Variants in ADGRV1 observed in about 807,000 individuals in gnomAD.
ADGRV1 encodes G-protein coupled receptor 98.
ADGRV1 carries 359 observed loss-of-function variants against 596.2 expected under a neutral mutation model. The ratio of observed to expected loss-of-function variants is 0.60; its 90% CI spans 0.55 to 0.66. The LOEUF (loss-of-function observed/expected upper bound fraction) is 0.66. ADGRV1 is among the 30% of genes least tolerant of loss of function. The pLI is 0.00. For synonymous variants in ADGRV1, 2,681 were observed against 2,679.2 expected, an observed-to-expected ratio of 1.00 and a Z score of -0.02; for missense variants, 7,274 against 7,575.6, an observed-to-expected ratio of 0.96 and a Z score of 1.48.
chr5:91,042,647 A>T (rs1161026799), intron 85 of ADGRV1, among the ~76,000 whole-genome samples: 2 of 152,150 alleles, frequency 1.3e-5, no homozygotes, highest in Non-Finnish European at 2.9e-5. Flanking sequence ...CAAATTAACC[A>T]TCAGGATAAT....
chr5:91,094,375 C>T (rs868252278), intron 86 of ADGRV1, among the ~76,000 whole-genome samples: 2 of 151,482 alleles, frequency 1.3e-5, no homozygotes, highest in African/African-American at 4.9e-5. Flanking sequence ...AGGAGAATTG[C>T]TTGAACCCAG....
At chr5:91,053,251 G>A (rs753170073) in intron 85 of ADGRV1, among the ~76,000 whole-genome samples, 3 of 152,148 alleles carry the variant, frequency 2.0e-5, no homozygotes, top group Non-Finnish European at 4.4e-5. Context: ...TATTGGAGGG[G>A]TTACAAAATG....
At chr5:90,637,296 T>C (rs902135493) in intron 10 of ADGRV1, among the ~76,000 whole-genome samples, 1 of 152,160 alleles carries the variant, frequency 6.6e-6, no homozygotes, top group East Asian at 1.9e-4. Context: ...TTATATGAGA[T>C]AATTTTCCAG....
At chr5:90,888,940 A>G (rs1770546068) in intron 83 of ADGRV1, among the ~76,000 whole-genome samples, 1 of 152,166 alleles carries the variant, frequency 6.6e-6, no homozygotes, top group South Asian at 2.1e-4. Flanking sequence ...AACTGTGGCT[A>G]CATCTGGGAT....
chr5:90,592,688 A>G (rs1011044426), intron 1 of ADGRV1, among the ~76,000 whole-genome samples: 9 of 152,216 alleles, frequency 5.9e-5, no homozygotes, highest in African/African-American at 2.2e-4. Flanking sequence ...AAATTTTTGC[A>G]ATCTACCCAT....
rs912347302 is a variant in ADGRV1, at chr5:90,848,668, G to C, written c.17051G>C (p.Ser5684Thr). The C allele has an allele frequency of 1.3e-6, 2 of 1,547,102 alleles. No individual in the cohort carries two copies. The highest frequency in any genetic ancestry group is 2.1e-5 in the Admixed American group (1 of 48,696). Residue 5684 changes from serine to threonine, a missense_variant, in exon 79 of 90, where the codon AGT (serine) becomes ACT (threonine). Transcript: ENST00000405460. ...ACTGAAGGAAAAATTCAAGCTTTCAGTGTTGCCAGCCGAACTCTTTTCTAT... is the reference window on the plus strand; with the variant it reads ...ACTGAAGGAAAAATTCAAGCTTTCACTGTTGCCAGCCGAACTCTTTTCTAT... The part of the protein sequence containing the change: ...ITTEGKIQAF[S>T]VASRTLFYEI...
chr5:91,085,768 T>C (rs1562198565), intron 86 of ADGRV1, among the ~76,000 whole-genome samples: 3 of 152,178 alleles, frequency 2.0e-5, no homozygotes, highest in Non-Finnish European at 1.5e-5. Flanking sequence ...CATCTAGAAA[T>C]ATGTATCACT....
At chr5:90,813,614 G>A (rs956091113) in intron 74 of ADGRV1, among the ~76,000 whole-genome samples, 1 of 152,114 alleles carries the variant, frequency 6.6e-6, no homozygotes, top group African/African-American at 2.4e-5. Flanking sequence ...GCAAATGACC[G>A]ATACCCTACC....
intron 83 of ADGRV1, among the ~76,000 whole-genome samples, chr5:90,945,156 C>T (rs768503636): frequency 6.6e-6 from 1 of 152,044 alleles, no homozygotes; most frequent in Non-Finnish European, 1.5e-5. Flanking sequence ...AATCCAGGCC[C>T]TCTTTAAATC....
At chr5:90,759,360 C>T in intron 57 of ADGRV1, 49 bp from the exon 58 acceptor site, 4 of 1,284,896 alleles carry the variant, frequency 3.1e-6, no homozygotes, top group Non-Finnish European at 4.4e-6. Context: ...TCCTATCTTC[C>T]TCCTTCTTTT....
chr5:91,029,314 G>T (rs1299401436), intron 85 of ADGRV1, among the ~76,000 whole-genome samples: 2 of 152,140 alleles, frequency 1.3e-5, no homozygotes, highest in African/African-American at 2.4e-5. Context: ...CATAACTTTA[G>T]TTGACTCACT....
intron 83 of ADGRV1, among the ~76,000 whole-genome samples, chr5:90,951,613 A>G (rs1368182314): frequency 6.6e-6 from 1 of 152,182 alleles, no homozygotes; most frequent in Non-Finnish European, 1.5e-5. Context: ...TATTTGTTAA[A>G]GTAAATAACT....
intron 59 of ADGRV1, among the ~76,000 whole-genome samples, chr5:90,773,458 A>G (rs1341728567): frequency 6.6e-6 from 1 of 152,176 alleles, no homozygotes; most frequent in Non-Finnish European, 1.5e-5. Flanking sequence ...AAAATCATTA[A>G]CATTCTTATG....
At position 91,031,364 on chromosome 5, in the gene ADGRV1, C is replaced by T. The variant is rs536683412; in HGVS notation, c.18153-41083C>T. 164 of 1,201,068 alleles carry T rather than the reference C, an allele frequency of 1.4e-4. 1 individual carries two copies. In the South Asian group the frequency reaches 1.7e-3, roughly 13 times the overall value. 74.4% of individuals were successfully genotyped at this position (1,201,068 alleles called of 1,614,324 possible). ...CACTCCAATCTATCTCATCCGCTGA[C>T]GGAAGTTCATCATTCTGCATGCTCT... is the stretch of plus-strand genomic sequence containing the variant. On this transcript the variant is annotated intron_variant, in intron 85 of 89. Transcript: ENST00000405460.
intron 83 of ADGRV1, among the ~76,000 whole-genome samples, chr5:90,960,084 A>G (rs1380309705): frequency 6.6e-6 from 1 of 150,390 alleles, no homozygotes; most frequent in Non-Finnish European, 1.5e-5. Context: ...GCTTGCAGTG[A>G]GCCGAGATCG....
intron 79 of ADGRV1, among the ~76,000 whole-genome samples, chr5:90,852,386 A>G (rs937541898): frequency 2.0e-5 from 3 of 152,232 alleles, no homozygotes; most frequent in Non-Finnish European, 4.4e-5. Flanking sequence ...GACATATATA[A>G]CTTTTAACAT....
At position 90,704,481 on chromosome 5, in the gene ADGRV1, G is replaced by C; in HGVS notation, c.8379G>C (p.Arg2793Ser). The C allele has an allele frequency of 6.5e-7, 1 of 1,538,920 alleles. No homozygotes were observed. Among genetic ancestry groups the C allele is most frequent in the Non-Finnish European group, 8.8e-7 (1 of 1,131,752 alleles). ...EVYQVILYDV[R>S]TQGVPPAGIA... Reference sequence around the variant, plus strand: ...ACCAAGTCATTCTGTATGATGTCAGGACACAAGGTAATTCAGAATTTAATT... The same window carrying C: ...ACCAAGTCATTCTGTATGATGTCAGCACACAAGGTAATTCAGAATTTAATT... The change falls in exon 36 of 90, where the codon AGG becomes AGC. Residue 2793 changes from arginine (R) to serine (S), a missense_variant. Coordinates refer to ENST00000405460, the MANE Select transcript of ADGRV1 (RefSeq NM_032119.4).
chr5:90,660,161 A>C (rs1580633276), intron 21 of ADGRV1, among the ~76,000 whole-genome samples: 1 of 152,164 alleles, frequency 6.6e-6, no homozygotes, highest in Admixed American at 6.5e-5. Flanking sequence ...CCCCCTTATC[A>C]CTAATTTTTT....
Position 90,716,477 on chromosome 5 carries a change from T to C in ADGRV1, c.9195T>C (p.Ile3065=). The C allele has an allele frequency of 6.4e-7, 1 of 1,569,774 alleles. No individual in the cohort carries two copies. Among genetic ancestry groups the C allele is most frequent in the Non-Finnish European group, 8.6e-7 (1 of 1,156,366 alleles). ...TTTTTATTTTGGCAGCCTTAATTATTGTCCTTGCTAATGATGACGGCCCTG... is the reference window on the plus strand; with the variant it reads ...TTTTTATTTTGGCAGCCTTAATTATCGTCCTTGCTAATGATGACGGCCCTG... ...ELGKNTIALI[I]VLANDDGPGV... is the part of the protein sequence containing the mutation. The change falls in exon 43 of 90, where the codon ATT becomes ATC. Residue 3065 remains isoleucine (I), a synonymous_variant. Transcript: ENST00000405460.
Sources: allele counts gnomAD v4.1 joint callset (sites outside exome capture counted in the v4.1 genomes callset), GRCh38; gene constraint gnomAD v4.1.1; transcripts MANE v1.5; gene names NCBI Gene and HGNC (gene_info 2026-07-23, HGNC 2026-07-21).